Variants in SOX5 observed in about 807,000 individuals in gnomAD.
SOX5 encodes transcription factor SOX-5.
Under a neutral mutation model 92.0 loss-of-function variants are expected in SOX5, and 9 were observed. The observed-to-expected ratio is 0.10, with a 90% CI of 0.06 to 0.17. SOX5 has a LOEUF of 0.17. Ranked by LOEUF, SOX5 falls within the 10% of genes least tolerant of loss-of-function variation. SOX5 has a pLI of 1.00. For missense variants in SOX5, 642 were observed against 944.5 expected, an observed-to-expected ratio of 0.68 and a Z score of 4.20; for synonymous variants, 344 against 336.3, an observed-to-expected ratio of 1.02 and a Z score of -0.25.
chr12:24,227,237 T>C (rs1195229694), intron 3 of SOX5: 2 of 152,168 alleles, frequency 1.3e-5, no homozygotes, highest in Non-Finnish European at 2.9e-5. Flanking sequence ...ACCAAGAGGG[T>C]GTCCTCAACA....
At chr12:24,391,949 T>C (rs183245734) in intron 1 of SOX5, among the ~76,000 whole-genome samples, 1 of 152,312 alleles carries the variant, frequency 6.6e-6, no homozygotes, top group African/African-American at 2.4e-5. Context: ...AAAAACAAGT[T>C]AGTAGCCACC....
At chr12:24,520,242 C>T (rs753272298) in intron 1 of SOX5, among the ~76,000 whole-genome samples, 1 of 151,854 alleles carries the variant, frequency 6.6e-6, no homozygotes, top group East Asian at 1.9e-4. Context: ...ATAAATCTAA[C>T]AGTTAAAGGT....
rs187839218 is a variant in SOX5, at chr12:23,914,195, T to A, written c.39-18171A>T. ...TGTATAATGAAGTCTAATTTTTTTT[T>A]AAAACATTACAGAGGGTAAGTAAAA... On this transcript the variant is annotated intron_variant, in intron 1 of 14. Coordinates refer to ENST00000451604, the MANE Select transcript of SOX5 (RefSeq NM_006940.6). Among the ~76,000 whole-genome samples, 46 of 152,328 alleles carry A rather than the reference T, an allele frequency of 3.0e-4. No individual in the cohort carries two copies. The Middle Eastern group carries it at 0.01, about 34-fold the overall frequency.
At chr12:23,620,704 T>C (rs2077068580) in intron 8 of SOX5, among the ~76,000 whole-genome samples, 1 of 152,100 alleles carries the variant, frequency 6.6e-6, no homozygotes, top group Admixed American at 6.6e-5. Context: ...CAATAGCACC[T>C]TGCATTTACA....
At chr12:23,952,222 A>G (rs1487175091), upstream of SOX5, among the ~76,000 whole-genome samples, 1 of 152,078 alleles carries the variant, frequency 6.6e-6, no homozygotes, top group South Asian at 2.1e-4. Context: ...GCGGGAGGAG[A>G]GGACGCAGAG....
intron 4 of SOX5, among the ~76,000 whole-genome samples, chr12:24,193,079 A>C (rs1009744299): frequency 6.6e-6 from 1 of 152,250 alleles, no homozygotes; most frequent in African/African-American, 2.4e-5. Flanking sequence ...GAAGTTTAAA[A>C]GCACATAACA....
At chr12:24,269,741 C>T (rs1448080535) in intron 3 of SOX5, among the ~76,000 whole-genome samples, 2 of 138,534 alleles carry the variant, frequency 1.4e-5, no homozygotes, top group Admixed American at 7.7e-5. Context: ...CCCGCTGGCA[C>T]GAATGCAGCT....
At chr12:23,580,045 A>T (rs909010330) in intron 9 of SOX5, among the ~76,000 whole-genome samples, 3 of 152,078 alleles carry the variant, frequency 2.0e-5, no homozygotes, top group African/African-American at 7.2e-5. Context: ...AATATAAAAT[A>T]AGCATTTATG....
At chr12:23,575,425 T>C (rs1460710262) in intron 10 of SOX5, among the ~76,000 whole-genome samples, 1 of 152,216 alleles carries the variant, frequency 6.6e-6, no homozygotes, top group Non-Finnish European at 1.5e-5. Flanking sequence ...TGTATGGACA[T>C]AGTTAGAAAT....
chr12:24,173,647 C>A (rs1307582974), intron 4 of SOX5, among the ~76,000 whole-genome samples: 1 of 152,080 alleles, frequency 6.6e-6, no homozygotes, highest in African/African-American at 2.4e-5. Flanking sequence ...AAAAAATTGC[C>A]TGAGGAGTTC....
rs567806388 is a variant in SOX5, at chr12:24,070,704, G to A, written c.-2+142639C>T. On this transcript the variant is annotated intron_variant, in intron 4 of 4. Coordinates refer to the SOX5 transcript ENST00000446891. ...ATGTAATATGGTATTTATGTTTAGG[G>A]AAGAGAACAAACATTTTTAGACATA... 9.1e-4 allele frequency among the ~76,000 whole-genome samples: 138 copies of A among 152,188 alleles called. 1 individual carries two copies. Among genetic ancestry groups the A allele is most frequent in the African/African-American group, 3.3e-3 (135 of 41,516 alleles).
chr12:23,746,940 C>A (rs976517750), intron 4 of SOX5, among the ~76,000 whole-genome samples: 2 of 151,996 alleles, frequency 1.3e-5, no homozygotes, highest in Non-Finnish European at 2.9e-5. Flanking sequence ...GGGGAGTTTC[C>A]CTGCACTAGT....
chr12:24,475,725 T>C (rs184431536), intron 1 of SOX5, among the ~76,000 whole-genome samples: 25 of 152,330 alleles, frequency 1.6e-4, no homozygotes, highest in African/African-American at 6.0e-4. Flanking sequence ...CTCACACCTG[T>C]AATCCCAGCA....
chr12:24,488,587 G>GA (rs148667773), intron 1 of SOX5, among the ~76,000 whole-genome samples: 4 of 151,874 alleles, frequency 2.6e-5, no homozygotes, highest in Non-Finnish European at 5.9e-5. Flanking sequence ...TCCTGTCTCA[G>GA]AAAAAAAATC....
At chr12:24,420,657 A>T (rs577533264) in intron 1 of SOX5, among the ~76,000 whole-genome samples, 1 of 152,302 alleles carries the variant, frequency 6.6e-6, no homozygotes, top group East Asian at 1.9e-4. Context: ...GTAGACTGAG[A>T]AGTAACTGTC....
intron 4 of SOX5, among the ~76,000 whole-genome samples, chr12:24,020,669 ATTG>A (rs1370465187): frequency 6.6e-6 from 1 of 152,168 alleles, no homozygotes; most frequent in East Asian, 1.9e-4. Flanking sequence ...ACAAAAGGAA[ATTG>A]TTATGCGAAT....
At chr12:24,065,561 C>T (rs761593171) in intron 4 of SOX5, among the ~76,000 whole-genome samples, 4 of 147,252 alleles carry the variant, frequency 2.7e-5, no homozygotes, top group Admixed American at 6.9e-5. Flanking sequence ...GCAAGAGAAT[C>T]GCTTGAACCC....
At chr12:24,198,263 G>A (rs889343306) in intron 4 of SOX5, among the ~76,000 whole-genome samples, 16 of 151,870 alleles carry the variant, frequency 1.1e-4, no homozygotes, top group Admixed American at 2.6e-4. Flanking sequence ...AGGGGTTGGG[G>A]AGGGGGAGGG....
intron 4 of SOX5, among the ~76,000 whole-genome samples, chr12:23,969,551 T>C (rs1947985490): frequency 6.6e-6 from 1 of 152,224 alleles, no homozygotes; most frequent in Non-Finnish European, 1.5e-5. Flanking sequence ...ACTAAGGCTT[T>C]TGTCCTCAGC....
Sources: allele counts gnomAD v4.1 joint callset (sites outside exome capture counted in the v4.1 genomes callset), GRCh38; gene constraint gnomAD v4.1.1; transcripts MANE v1.5; gene names NCBI Gene and HGNC (gene_info 2026-07-23, HGNC 2026-07-21).